STAB2: variants seen among roughly 807,000 people sequenced by gnomAD.
The protein encoded by STAB2 is stabilin-2.
In STAB2, 288 loss-of-function variants were observed where a neutral mutation model predicts 338.1. That is an observed-to-expected ratio of 0.85 (90% CI 0.77 to 0.94). The LOEUF (loss-of-function observed/expected upper bound fraction) is 0.94, where lower values mean the gene tolerates loss of function less well. Ranked by LOEUF, STAB2 falls within the 40% of genes least tolerant of loss-of-function variation. The pLI is 0.00. For missense variants in STAB2, 3,141 were observed against 3,210.1 expected (o/e 0.98, Z 0.52); for synonymous variants, 1,202 against 1,193.3 (o/e 1.01, Z -0.15).
chr12:103,752,029 G>A (rs570082416), intron 60 of STAB2, among the ~76,000 whole-genome samples: 6 of 152,266 alleles, frequency 3.9e-5, no homozygotes, highest in Admixed American at 1.3e-4. Context: ...ATTTGCAGCC[G>A]ATTTGGTAAT....
intron 3 of STAB2, among the ~76,000 whole-genome samples, chr12:103,616,070 C>G (rs758249502): frequency 6.6e-6 from 1 of 152,120 alleles, no homozygotes; most frequent in Non-Finnish European, 1.5e-5. Context: ...GTGAATCACC[C>G]TTAGAGGAAC....
At chr12:103,702,010 ACACACACACACACC>A (rs1019028733) in intron 34 of STAB2, among the ~76,000 whole-genome samples, 7 of 92,916 alleles carry the variant, frequency 7.5e-5, no homozygotes, top group African/African-American at 1.8e-4. Flanking sequence ...ACACACACAC[ACACACACACACACC>A]CCACCCCAAT....
intron 37 of STAB2, 134 bp from the exon 38 acceptor site, chr12:103,706,658 C>T (rs781268801): frequency 1.6e-6 from 2 of 1,213,294 alleles, no homozygotes; most frequent in Non-Finnish European, 2.3e-6. Flanking sequence ...GGTCCTGCCC[C>T]CACCCCTCAC....
chr12:103,755,991 A>G (rs955956467), intron 63 of STAB2, among the ~76,000 whole-genome samples: 1 of 152,158 alleles, frequency 6.6e-6, no homozygotes, highest in African/African-American at 2.4e-5. Context: ...AAATGAGTTA[A>G]TAGTTGTGAA....
intron 3 of STAB2, among the ~76,000 whole-genome samples, chr12:103,606,096 G>A (rs149841328): frequency 0.011 from 1,627 of 151,580 alleles, 20 homozygotes; most frequent in Middle Eastern, 0.044. Flanking sequence ...TCTTTTTTAG[G>A]ATCCTCTTTT....
chr12:103,634,213 C>A (rs530655579), intron 6 of STAB2, among the ~76,000 whole-genome samples: 1 of 152,144 alleles, frequency 6.6e-6, no homozygotes, highest in African/African-American at 2.4e-5. Context: ...CAAGGTACTA[C>A]AATCAAATTT....
At chr12:103,648,927 A>C in intron 10 of STAB2, 104 bp downstream of exon 10, 1 of 1,488,012 alleles carries the variant, frequency 6.7e-7, no homozygotes, top group South Asian at 1.4e-5. Flanking sequence ...CTTGTCTATT[A>C]GAATCAGCCT....
chr12:103,590,846 G>A, intron 1 of STAB2, 51 bp from the exon 2 acceptor site: 1 of 1,610,652 alleles, frequency 6.2e-7, no homozygotes, highest in Non-Finnish European at 8.5e-7. Context: ...TAGATGTTTT[G>A]CAAGACTCTG....
chr12:103,648,714 G>C lies in STAB2; in HGVS notation c.1065G>C (p.Val355=), dbSNP rs1873514535. Residue 355 remains valine (V), a synonymous_variant, in exon 10 of 69, where the codon GTG becomes GTC. Transcript: ENST00000388887. ...RTECICQKGY[V]GDGLTCYGNI... Reference sequence around the variant, plus strand: ...GATGCATTTGCCAGAAAGGTTACGTGGGTGATGGCTTAACGTGTTATGGAA... The same window carrying C: ...GATGCATTTGCCAGAAAGGTTACGTCGGTGATGGCTTAACGTGTTATGGAA... 6.2e-7 allele frequency: 1 copy of C among 1,614,038 alleles called. No homozygotes were observed. The highest frequency in any genetic ancestry group is 8.5e-7 in the Non-Finnish European group (1 of 1,179,976).
chr12:103,685,422 CTGTGTGTGTGTGTGTGTGTGTG>C (rs141365936), intron 27 of STAB2, among the ~76,000 whole-genome samples: 1 of 145,816 alleles, frequency 6.9e-6, no homozygotes, highest in African/African-American at 2.5e-5. Context: ...CTTACCCATG[CTGTGTGTGTGTGTGTGTGTGTG>C]TGTGTGTGTG....
At chr12:103,609,968 T>C (rs1421050515) in intron 3 of STAB2, among the ~76,000 whole-genome samples, 1 of 152,254 alleles carries the variant, frequency 6.6e-6, no homozygotes, top group Non-Finnish European at 1.5e-5. Context: ...TCATTGGTTC[T>C]GTTTATATGC....
chr12:103,765,807 G>T (rs1166992012), intron 68 of STAB2, among the ~76,000 whole-genome samples: 1 of 152,160 alleles, frequency 6.6e-6, no homozygotes, highest in Non-Finnish European at 1.5e-5. Context: ...CTCCCGAAGT[G>T]CTGGGATTAC....
At chr12:103,638,449 C>T (rs1243787192) in intron 8 of STAB2, among the ~76,000 whole-genome samples, 1 of 152,182 alleles carries the variant, frequency 6.6e-6, no homozygotes. Context: ...CTTACGTTCT[C>T]TCCTGTCACA....
Position 103,735,714 on chromosome 12 carries a change from A to AC in STAB2, c.5550+136dup, listed in dbSNP as rs1404787006. 4 of 709,578 alleles carry AC rather than the reference A, an allele frequency of 5.6e-6. No individual in the cohort carries two copies. The African/African-American group carries it at 7.2e-5, about 13-fold the overall frequency. The allele number at this position is 709,578 out of a possible 1,614,324, so 44.0% of individuals were successfully genotyped here. ...TAGCGGGCTCATTTTTTTTCTCACT[A>AC]CCTTCAGAGGTATTTTTCCTGAGAC... is the stretch of plus-strand genomic sequence containing the variant. On this transcript the variant is annotated intron_variant, in intron 52 of 68. Transcript: ENST00000388887.
intron 3 of STAB2, among the ~76,000 whole-genome samples, chr12:103,603,104 T>C (rs1244977948): frequency 6.6e-6 from 1 of 152,192 alleles, no homozygotes; most frequent in Admixed American, 6.5e-5. Context: ...GGAGTCTCGC[T>C]CTGTTGCCCA....
At chr12:103,600,397 A>G (rs10861045) in intron 3 of STAB2, among the ~76,000 whole-genome samples, 48,972 of 152,164 alleles carry the variant, frequency 0.32, 10,048 homozygotes, top group African/African-American at 0.58. Flanking sequence ...AAAATACTAT[A>G]GACTGAGTGG....
At position 103,723,659 on chromosome 12, in the gene STAB2, C is replaced by T. The variant is rs533214150; in HGVS notation, c.4684-1316C>T. On this transcript the variant is annotated intron_variant, in intron 44 of 68. Transcript: ENST00000388887. ...CTTTCTCAGGCAATGCACCGCCAGCCCGGCAGACCCAGAGAAGTTAGAGTG... is the reference window on the plus strand; with the variant it reads ...CTTTCTCAGGCAATGCACCGCCAGCTCGGCAGACCCAGAGAAGTTAGAGTG... 1.1e-4 allele frequency among the ~76,000 whole-genome samples: 16 copies of T among 152,268 alleles called. No individual in the cohort carries two copies. The East Asian group carries it at 2.9e-3, about 28-fold the overall frequency.
chr12:103,700,535 A>G (rs1042176104), intron 34 of STAB2, among the ~76,000 whole-genome samples: 4 of 152,238 alleles, frequency 2.6e-5, no homozygotes, highest in African/African-American at 7.2e-5. Context: ...TCAGACTCCT[A>G]CAGATAAGTC....
At chr12:103,740,060 C>T (rs922824458) in intron 54 of STAB2, among the ~76,000 whole-genome samples, 1 of 152,136 alleles carries the variant, frequency 6.6e-6, no homozygotes, top group African/African-American at 2.4e-5. Flanking sequence ...AGGTTTGCCT[C>T]TGTAAAATGG....
Sources: gnomAD v4.1 joint callset for allele counts (sites outside exome capture counted in the v4.1 genomes callset) on GRCh38, gnomAD v4.1.1 for gene constraint, MANE v1.5 for transcripts, NCBI Gene and HGNC (gene_info 2026-07-23, HGNC 2026-07-21) for gene names.